Variants in DLG2 observed in about 807,000 individuals in gnomAD.
DLG2 encodes the protein disks large homolog 2.
DLG2 carries 45 observed loss-of-function variants against 132.5 expected under a neutral mutation model. The ratio of observed to expected loss-of-function variants is 0.34; its 90% confidence interval spans 0.27 to 0.44. The LOEUF (loss-of-function observed/expected upper bound fraction) is 0.44, where lower values mean the gene tolerates loss of function less well. Among genes scored for constraint, DLG2 ranks in the 20% least tolerant of loss-of-function variants. DLG2 has a pLI of 1.00. For synonymous variants in DLG2, 424 were observed against 419.6 expected, an observed-to-expected ratio of 1.01 and a Z score of -0.13; for missense variants, 1,045 against 1,196.9, an observed-to-expected ratio of 0.87 and a Z score of 1.87.
chr11:84,968,981 G>C (rs1448590011), intron 6 of DLG2, among the ~76,000 whole-genome samples: 1 of 151,274 alleles, frequency 6.6e-6, no homozygotes, highest in African/African-American at 2.4e-5. Flanking sequence ...AACGTGTGTA[G>C]AGCAGTATAT....
chr11:83,467,418 C>T (rs1215625496), intron 25 of DLG2, among the ~76,000 whole-genome samples: 1 of 152,072 alleles, frequency 6.6e-6, no homozygotes, highest in South Asian at 2.1e-4. Context: ...GCAAGGTACT[C>T]AGTCTAGTGG....
intron 5 of DLG2, among the ~76,000 whole-genome samples, chr11:85,150,385 A>T (rs1032788059): frequency 2.0e-5 from 3 of 151,858 alleles, no homozygotes; most frequent in African/African-American, 7.3e-5. Context: ...AATACTGACC[A>T]CTCTTAAGTG....
intron 6 of DLG2, among the ~76,000 whole-genome samples, chr11:84,568,402 G>A (rs970007774): frequency 6.6e-6 from 1 of 152,220 alleles, no homozygotes; most frequent in Non-Finnish European, 1.5e-5. Flanking sequence ...AGCTACTTGG[G>A]AGGCTGAGGC....
intron 14 of DLG2, among the ~76,000 whole-genome samples, chr11:83,932,360 G>A (rs1162212917): frequency 2.6e-5 from 4 of 151,658 alleles, no homozygotes; most frequent in African/African-American, 9.7e-5. Flanking sequence ...CCAGCCTCCC[G>A]AGAAGCTGGG....
intron 4 of DLG2, among the ~76,000 whole-genome samples, chr11:85,284,104 G>A (rs2078407270): frequency 6.6e-6 from 1 of 151,764 alleles, no homozygotes; most frequent in African/African-American, 2.4e-5. Flanking sequence ...GACATAAAAT[G>A]CCCTATATGC....
intron 19 of DLG2, among the ~76,000 whole-genome samples, chr11:83,598,156 G>A (rs530670575): frequency 6.6e-6 from 1 of 152,334 alleles, no homozygotes; most frequent in African/African-American, 2.4e-5. Flanking sequence ...GGGCAAGATG[G>A]CACAGGTTTA....
At chr11:85,231,309 T>C (rs540202177) in intron 4 of DLG2, among the ~76,000 whole-genome samples, 3 of 152,074 alleles carry the variant, frequency 2.0e-5, no homozygotes, top group African/African-American at 7.2e-5. Context: ...TCACTGATAT[T>C]TTCTTCTGCA....
intron 4 of DLG2, among the ~76,000 whole-genome samples, chr11:85,169,629 G>T (rs1211026486): frequency 6.6e-6 from 1 of 152,056 alleles, no homozygotes; most frequent in Non-Finnish European, 1.5e-5. Flanking sequence ...AAACTGAATG[G>T]GACCTTAAGA....
At chr11:83,620,036 C>T (rs1322772131) in intron 19 of DLG2, among the ~76,000 whole-genome samples, 1 of 152,150 alleles carries the variant, frequency 6.6e-6, no homozygotes, top group African/African-American at 2.4e-5. Context: ...CAAACTTATA[C>T]TCAATTCACA....
intron 19 of DLG2, among the ~76,000 whole-genome samples, chr11:83,629,628 C>T (rs771108813): frequency 7.6e-4 from 116 of 152,116 alleles, no homozygotes; most frequent in Non-Finnish European, 1.4e-3. Context: ...AGGTGCATCC[C>T]TGTTAGTAGC....
At chr11:84,366,369 G>A (rs1054938772) in intron 7 of DLG2, among the ~76,000 whole-genome samples, 2 of 151,836 alleles carry the variant, frequency 1.3e-5, no homozygotes, top group African/African-American at 4.8e-5. Flanking sequence ...ATGCCAAAAT[G>A]TAAAGACCAT....
chr11:84,279,120 G>GA (rs1202197466), intron 7 of DLG2, among the ~76,000 whole-genome samples: 1 of 151,800 alleles, frequency 6.6e-6, no homozygotes, highest in Non-Finnish European at 1.5e-5. Flanking sequence ...AAATTTACAA[G>GA]AAAAAAACAA....
intron 6 of DLG2, among the ~76,000 whole-genome samples, chr11:84,641,245 A>G (rs1003155504): frequency 1.3e-5 from 2 of 152,202 alleles, no homozygotes; most frequent in Non-Finnish European, 1.5e-5. Flanking sequence ...CAGCTTCACT[A>G]TATATAAAGT....
At chr11:85,297,451 C>T (rs2079306178) in intron 3 of DLG2, among the ~76,000 whole-genome samples, 1 of 152,170 alleles carries the variant, frequency 6.6e-6, no homozygotes, top group Non-Finnish European at 1.5e-5. Flanking sequence ...CACAGGACCC[C>T]ATAGTCAAAC....
intron 9 of DLG2, among the ~76,000 whole-genome samples, chr11:84,140,391 C>G (rs908044475): frequency 3.3e-5 from 5 of 152,084 alleles, no homozygotes; most frequent in African/African-American, 9.7e-5. Context: ...TACATTATGT[C>G]AAACAAGTAA....
At chr11:85,619,662 CCT>C (rs1474451371) in intron 2 of DLG2, among the ~76,000 whole-genome samples, 1 of 151,824 alleles carries the variant, frequency 6.6e-6, no homozygotes, top group Non-Finnish European at 1.5e-5. Context: ...GGTGAAATCC[CCT>C]CTCTTCCAAA....
chr11:84,375,546 G>GT (rs1251607201), intron 7 of DLG2, among the ~76,000 whole-genome samples: 1 of 151,930 alleles, frequency 6.6e-6, no homozygotes, highest in Non-Finnish European at 1.5e-5. Flanking sequence ...AAAAATCAGG[G>GT]TTTTTAAAAT....
chr11:83,990,871 GGTTTTATTAAAGGAAACA>G (rs146366438), intron 11 of DLG2, among the ~76,000 whole-genome samples: 12,606 of 151,994 alleles, frequency 0.083, 602 homozygotes, highest in South Asian at 0.12. Context: ...CTGTCTACAT[GGTTTTATTAAAGGAAACA>G]CAGAATCTAT....
At chr11:84,547,044 A>T (rs1051252560) in intron 6 of DLG2, among the ~76,000 whole-genome samples, 1 of 152,130 alleles carries the variant, frequency 6.6e-6, no homozygotes, top group Non-Finnish European at 1.5e-5. Flanking sequence ...AACTTATTAA[A>T]CCCTCTGAGA....
Sources: allele counts gnomAD v4.1 joint callset (sites outside exome capture counted in the v4.1 genomes callset), GRCh38; gene constraint gnomAD v4.1.1; transcripts MANE v1.5; gene names NCBI Gene and HGNC (gene_info 2026-07-23, HGNC 2026-07-21).